ANKRD40: variants seen among roughly 807,000 people sequenced by gnomAD.
The protein encoded by ANKRD40 is ankyrin repeat domain-containing protein 40.
Under a neutral mutation model 35.5 loss-of-function variants are expected in ANKRD40, and 24 were observed. The ratio of observed to expected loss-of-function variants is 0.68; its 90% CI spans 0.49 to 0.95. The LOEUF (loss-of-function observed/expected upper bound fraction) is 0.95. Ranked by LOEUF, ANKRD40 falls within the 40% of genes least tolerant of loss-of-function variation. ANKRD40 has a pLI of 0.00. For missense variants in ANKRD40, 361 were observed against 436.0 expected, an observed-to-expected ratio of 0.83 and a Z score of 1.53; for synonymous variants, 147 against 173.5, an observed-to-expected ratio of 0.85 and a Z score of 1.20.
Position 50,695,989 on chromosome 17 carries a change from C to A in ANKRD40, c.*8G>T, listed in dbSNP as rs767466822. On this transcript the variant is annotated 3_prime_UTR_variant, in exon 5 of 5. Coordinates refer to ENST00000285243, the MANE Select transcript of ANKRD40 (RefSeq NM_052855.4). The stretch of plus-strand genomic sequence containing the variant: ...TCATAATACTCAGTGATAAAAGTCC[C>A]TGCTGCATTAGTAAGTCAGTTTTGA... 6.2e-7 allele frequency: 1 copy of A among 1,613,918 alleles called. No individual in the cohort carries two copies. The highest frequency in any genetic ancestry group is 1.1e-5 in the South Asian group (1 of 91,062).
chr17:50,701,242 C>T (rs1968268852), intron 1 of ANKRD40: 1 of 152,554 alleles, frequency 6.6e-6, no homozygotes, highest in East Asian at 1.9e-4. Context: ...CTTTTTCCTT[C>T]TTACTTTTCT....
At chr17:50,699,336 AAATCCC>A in intron 3 of ANKRD40, 57 bp downstream of exon 3, 1 of 1,564,966 alleles carries the variant, frequency 6.4e-7, no homozygotes, top group African/African-American at 1.4e-5. Flanking sequence ...ATACCTCATT[AAATCCC>A]ACCCCTCTGG....
At position 50,693,738 on chromosome 17, in the gene ANKRD40, C is replaced by T. The variant is rs77624595; in HGVS notation, c.*2259G>A. 5.9e-5 allele frequency: 9 copies of T among 152,276 alleles called. No homozygotes were observed. In the East Asian group the frequency reaches 1.7e-3, roughly 29 times the overall value. 9.4% of individuals were successfully genotyped at this position (152,276 alleles called of 1,614,324 possible). ...AATAGTGAATTTATTTCCTCTAGGA[C>T]AGAACCAGACTTAACTTTATTAGTA... On this transcript the variant is annotated 3_prime_UTR_variant, in exon 5 of 5. Coordinates refer to ENST00000285243, the MANE Select transcript of ANKRD40 (RefSeq NM_052855.4).
intron 2 of ANKRD40, among the ~76,000 whole-genome samples, 190 bp from the exon 3 acceptor site, chr17:50,700,083 C>T (rs930876531): frequency 1.3e-5 from 2 of 152,084 alleles, no homozygotes; most frequent in Non-Finnish European, 2.9e-5. Context: ...AAAAATAAAA[C>T]CTTACAATGC....
At chr17:50,703,125 CAG>C (rs1968289274) in intron 1 of ANKRD40, among the ~76,000 whole-genome samples, 1 of 145,850 alleles carries the variant, frequency 6.9e-6, no homozygotes, top group Non-Finnish European at 1.5e-5. Context: ...GACTTGAAAG[CAG>C]TCACCATTCT....
At chr17:50,705,436 C>G (rs1197851313) in intron 1 of ANKRD40, among the ~76,000 whole-genome samples, 1 of 135,042 alleles carries the variant, frequency 7.4e-6, no homozygotes, top group African/African-American at 2.8e-5. Context: ...AAAAAAAAAA[C>G]AGAACAAAAA....
intron 1 of ANKRD40, among the ~76,000 whole-genome samples, chr17:50,701,341 C>T (rs1968269434): frequency 6.6e-6 from 1 of 152,162 alleles, no homozygotes; most frequent in African/African-American, 2.4e-5. Flanking sequence ...CAAACATATC[C>T]TCATCTGCGT....
At chr17:50,698,221 T>C (rs975006890) in intron 3 of ANKRD40, among the ~76,000 whole-genome samples, 21 of 152,096 alleles carry the variant, frequency 1.4e-4, no homozygotes, top group African/African-American at 4.1e-4. Flanking sequence ...GGAAAAGTTA[T>C]GCTATAAGCC....
intron 1 of ANKRD40, among the ~76,000 whole-genome samples, chr17:50,704,854 C>T (rs1006218813): frequency 6.6e-5 from 10 of 152,156 alleles, no homozygotes; most frequent in African/African-American, 2.4e-4. Context: ...GTGGCTCACG[C>T]CTGTAATCCC....
Position 50,695,397 on chromosome 17 carries a change from T to C in ANKRD40, c.*600A>G, listed in dbSNP as rs935742555. The C allele has an allele frequency of 2.6e-5, 4 of 152,612 alleles. No homozygotes were observed. Among genetic ancestry groups the C allele is most frequent in the African/African-American group, 9.7e-5 (4 of 41,426 alleles). 9.5% of individuals were successfully genotyped at this position (152,612 alleles called of 1,614,324 possible). A position where few individuals can be genotyped will look rare whatever the true frequency, so the allele number is the denominator to read the frequency against. The stretch of plus-strand genomic sequence containing the variant: ...TGGTTAACAGCATATTTACAATTAG[T>C]TAACTGTATTCTTAAATACTTTTAA... On this transcript the variant is annotated 3_prime_UTR_variant, in exon 5 of 5. Coordinates refer to ENST00000285243, the MANE Select transcript of ANKRD40 (RefSeq NM_052855.4).
chr17:50,699,949 G>C, intron 2 of ANKRD40, 56 bp from the exon 3 acceptor site: 1 of 1,404,430 alleles, frequency 7.1e-7, no homozygotes, highest in South Asian at 1.8e-5. Context: ...ATCAAAACAA[G>C]GTGTCTTTTG....
Position 50,693,503 on chromosome 17 carries a change from GGAGAA to G in ANKRD40, c.*2489_*2493del, listed in dbSNP as rs1224642740. ...AGTTGACCACAGAGGATTTTATAAA[GGAGAA>G]GAGAGACCAGCATAGGACAGAGATA... is the stretch of plus-strand genomic sequence containing the variant. On this transcript the variant is annotated 3_prime_UTR_variant, in exon 5 of 5. Transcript: ENST00000285243. The G allele has an allele frequency of 2.0e-5, 3 of 152,284 alleles. No individual in the cohort carries two copies. Among genetic ancestry groups the G allele is most frequent in the African/African-American group, 7.2e-5 (3 of 41,466 alleles). 9.4% of individuals were successfully genotyped at this position (152,284 alleles called of 1,614,324 possible).
intron 1 of ANKRD40, among the ~76,000 whole-genome samples, chr17:50,706,921 AAAAAAAAAAAAG>A: frequency 6.7e-6 from 1 of 149,554 alleles, no homozygotes; most frequent in Non-Finnish European, 1.5e-5. Context: ...AAAAAAAAAA[AAAAAAAAAAAAG>A]AAAGAAAATA....
intron 1 of ANKRD40, among the ~76,000 whole-genome samples, chr17:50,701,343 C>T (rs777459606): frequency 1.4e-4 from 21 of 152,204 alleles, no homozygotes; most frequent in Non-Finnish European, 3.1e-4. Context: ...AACATATCCT[C>T]ATCTGCGTAA....
chr17:50,707,519 A>G lies in ANKRD40; in HGVS notation c.134+2T>C, dbSNP rs539546410. On this transcript the variant is annotated splice_donor_variant, in intron 1 of 4. Coordinates refer to ENST00000285243, the MANE Select transcript of ANKRD40 (RefSeq NM_052855.4). LOFTEE classifies it high-confidence loss of function. The surrounding 1 kb of genome is among the most constrained non-coding windows in gnomAD (Gnocchi z 4.8). Reference sequence around the variant, plus strand: ...CCTAGGCCTCCCCCGCTCCCCACTTACCAGCCGTTGACCTCATTTTGGGAG... The same window carrying G: ...CCTAGGCCTCCCCCGCTCCCCACTTGCCAGCCGTTGACCTCATTTTGGGAG... The G allele has an allele frequency of 3.1e-6, 5 of 1,604,376 alleles. No homozygotes were observed. The highest frequency in any genetic ancestry group is 4.3e-6 in the Non-Finnish European group (5 of 1,175,298).
chr17:50,700,880 T>C, intron 1 of ANKRD40, 164 bp from the exon 2 acceptor site: 1 of 552,490 alleles, frequency 1.8e-6, no homozygotes, highest in Non-Finnish European at 3.0e-6. Context: ...GCAAAATATT[T>C]AATATGCTTA....
rs764635009 is a variant in ANKRD40, at chr17:50,696,939, C to A, written c.960+1G>T. On this transcript the variant is annotated splice_donor_variant, in intron 4 of 4. Coordinates refer to ENST00000285243, the MANE Select transcript of ANKRD40 (RefSeq NM_052855.4). LOFTEE classifies it high-confidence loss of function. ...GCCATTCATGCTTAGACTTTTCTTA[C>A]CTTCCTTAACAGAGTATTGGGTAAC... 4.4e-6 allele frequency: 7 copies of A among 1,582,696 alleles called. No individual in the cohort carries two copies. The highest frequency in any genetic ancestry group is 5.1e-6 in the Non-Finnish European group (6 of 1,165,408).
Position 50,696,158 on chromosome 17 carries a change from T to A in ANKRD40, c.961-15A>T, listed in dbSNP as rs1200050206. The A allele has an allele frequency of 7.4e-6, 12 of 1,611,790 alleles. No homozygotes were observed. In the East Asian group the frequency reaches 2.7e-4, roughly 36 times the overall value. On this transcript the variant is annotated splice_polypyrimidine_tract_variant and intron_variant, in intron 4 of 4. Transcript: ENST00000285243. ...ACATCCTTGTCCTAAAACAAAAATATGTTAAACAGATTAACAGGAGCCACT... is the reference window on the plus strand; with the variant it reads ...ACATCCTTGTCCTAAAACAAAAATAAGTTAAACAGATTAACAGGAGCCACT...
chr17:50,707,549 C>T lies in ANKRD40; in HGVS notation c.106G>A (p.Val36Met). ...VQKLVESGVD[V>M]NSQNEVNGWT... is the part of the protein sequence containing the mutation. ...CCGTTGACCTCATTTTGGGAGTTCA[C>T]ATCCACCCCGCTCTCCACCAGTTTC... Residue 36 changes from valine (V) to methionine (M), a missense_variant, in exon 1 of 5, where the codon GTG becomes ATG. Transcript: ENST00000285243. This position sits in a 1 kb window ranked among gnomAD's most constrained non-coding sequence, Gnocchi z 4.8. The T allele has an allele frequency of 6.2e-7, 1 of 1,608,530 alleles. No homozygotes were observed. Among genetic ancestry groups the T allele is most frequent in the East Asian group, 2.3e-5 (1 of 43,826 alleles).
Sources: gnomAD v4.1 joint callset for allele counts (sites outside exome capture counted in the v4.1 genomes callset) on GRCh38, gnomAD v4.1.1 for gene constraint, Gnocchi (gnomAD v3.1) non-coding constraint, MANE v1.5 for transcripts, NCBI Gene and HGNC (gene_info 2026-07-23, HGNC 2026-07-21) for gene names.